SGK3: variants seen among roughly 807,000 people sequenced by gnomAD.
SGK3 encodes serine/threonine-protein kinase Sgk3.
A neutral mutation model predicts 68.5 loss-of-function variants in SGK3; 47 were observed. The observed-to-expected ratio is 0.69, with a 90% CI of 0.54 to 0.87. The LOEUF (loss-of-function observed/expected upper bound fraction) is 0.87, where lower values mean the gene tolerates loss of function less well. SGK3 is among the 40% of genes least tolerant of loss of function. SGK3 has a pLI of 0.00. For missense variants in SGK3, 479 were observed against 575.5 expected (o/e 0.83, Z 1.72); for synonymous variants, 181 against 189.1 (o/e 0.96, Z 0.35).
At chr8:66,829,062 G>T (rs1323764617) in intron 7 of SGK3, among the ~76,000 whole-genome samples, 1 of 151,462 alleles carries the variant, frequency 6.6e-6, no homozygotes, top group Non-Finnish European at 1.5e-5. Context: ...CTGAAAAAAA[G>T]CACCCTTGCA....
At chr8:66,729,926 A>C (rs1805098497) in intron 1 of SGK3, among the ~76,000 whole-genome samples, 1 of 151,914 alleles carries the variant, frequency 6.6e-6, no homozygotes, top group Non-Finnish European at 1.5e-5. Flanking sequence ...TTATATTTTT[A>C]GTGGAGATGG....
intron 1 of SGK3, among the ~76,000 whole-genome samples, chr8:66,772,909 A>G (rs1433373072): frequency 6.6e-6 from 1 of 152,156 alleles, no homozygotes; most frequent in Non-Finnish European, 1.5e-5. Flanking sequence ...GTGAGCCACC[A>G]TAACTGGCCT....
chr8:66,855,752 A>G (rs1810484426), intron 16 of SGK3, among the ~76,000 whole-genome samples: 1 of 152,248 alleles, frequency 6.6e-6, no homozygotes. Flanking sequence ...AGAAGTTCAT[A>G]CTGACGGTTG....
intron 10 of SGK3, among the ~76,000 whole-genome samples, chr8:66,836,685 T>C (rs1809547032): frequency 1.3e-5 from 2 of 151,888 alleles, no homozygotes; most frequent in South Asian, 4.1e-4. Flanking sequence ...AAATGTTTCA[T>C]GTTATATCCA....
intron 1 of SGK3, among the ~76,000 whole-genome samples, chr8:66,751,021 C>T (rs1276130382): frequency 6.6e-6 from 1 of 150,592 alleles, no homozygotes; most frequent in Non-Finnish European, 1.5e-5. Flanking sequence ...AAAAAAAGGC[C>T]AGGCGCGGTG....
chr8:66,801,634 T>C (rs1045208710), intron 3 of SGK3, among the ~76,000 whole-genome samples: 1 of 151,972 alleles, frequency 6.6e-6, no homozygotes, highest in East Asian at 1.9e-4. Flanking sequence ...TCTCTGTCTC[T>C]GTGTCTTTCT....
chr8:66,831,355 T>A (rs760718060), intron 8 of SGK3, 44 bp downstream of exon 8: 32 of 1,604,444 alleles, frequency 2.0e-5, no homozygotes, highest in Non-Finnish European at 2.0e-5. Flanking sequence ...TGGTTTTGGT[T>A]TTTTTTTTGG....
chr8:66,840,877 G>A (rs1809772163), intron 12 of SGK3, 147 bp from the exon 13 acceptor site: 1 of 409,098 alleles, frequency 2.4e-6, no homozygotes, highest in Non-Finnish European at 4.2e-6. Context: ...AGGAGGCAGA[G>A]GTTGCAGTGA....
intron 3 of SGK3, among the ~76,000 whole-genome samples, chr8:66,801,337 G>A (rs1807937312): frequency 6.6e-6 from 1 of 152,146 alleles, no homozygotes; most frequent in Non-Finnish European, 1.5e-5. Context: ...CTTAATCAAA[G>A]GATATTGAGA....
chr8:66,742,054 A>T (rs1805496682), intron 1 of SGK3, among the ~76,000 whole-genome samples: 1 of 152,230 alleles, frequency 6.6e-6, no homozygotes, highest in Non-Finnish European at 1.5e-5. Context: ...AGTCAAAGGA[A>T]CATCAAGTAC....
At chr8:66,792,795 A>C (rs537469489) in intron 1 of SGK3, among the ~76,000 whole-genome samples, 1 of 152,320 alleles carries the variant, frequency 6.6e-6, no homozygotes, top group African/African-American at 2.4e-5. Flanking sequence ...GGAAGGCTCA[A>C]GCAGGAACAT....
intron 1 of SGK3, among the ~76,000 whole-genome samples, chr8:66,792,669 A>G (rs921171182): frequency 6.6e-6 from 1 of 152,186 alleles, no homozygotes; most frequent in Non-Finnish European, 1.5e-5. Context: ...GCTTGAGCCC[A>G]GGAGTTCAAG....
intron 1 of SGK3, among the ~76,000 whole-genome samples, chr8:66,725,698 G>A (rs1804967136): frequency 6.6e-6 from 1 of 151,848 alleles, no homozygotes; most frequent in Non-Finnish European, 1.5e-5. Flanking sequence ...ATTTGCAGGT[G>A]CCTTGCCATG....
At chr8:66,753,454 G>A (rs1805883105) in intron 1 of SGK3, among the ~76,000 whole-genome samples, 1 of 152,186 alleles carries the variant, frequency 6.6e-6, no homozygotes, top group African/African-American at 2.4e-5. Context: ...AGAGGACTAG[G>A]GGAAGATACT....
chr8:66,825,520 G>A (rs1218268408), intron 6 of SGK3, among the ~76,000 whole-genome samples: 6 of 151,772 alleles, frequency 4.0e-5, no homozygotes, highest in Admixed American at 3.3e-4. Context: ...TAGTAGAGAC[G>A]GGGTTTCACT....
At chr8:66,753,858 C>A (rs549187776) in intron 1 of SGK3, among the ~76,000 whole-genome samples, 1 of 152,252 alleles carries the variant, frequency 6.6e-6, no homozygotes, top group East Asian at 1.9e-4. Context: ...TGATCTCCCC[C>A]TCTCCATACC....
chr8:66,770,345 T>C (rs1484204079), intron 1 of SGK3, among the ~76,000 whole-genome samples: 1 of 152,260 alleles, frequency 6.6e-6, no homozygotes, highest in Non-Finnish European at 1.5e-5. Context: ...CAATATTGAA[T>C]GTCAGACATT....
chr8:66,792,329 CAAAAAAAA>C (rs1215954300), intron 1 of SGK3, among the ~76,000 whole-genome samples: 2 of 53,554 alleles, frequency 3.7e-5, no homozygotes, highest in African/African-American at 1.3e-4. Flanking sequence ...AACTCCATCT[CAAAAAAAA>C]AAAAAAAAAA....
chr8:66,787,449 C>T (rs1307428852), intron 1 of SGK3, among the ~76,000 whole-genome samples: 1 of 152,216 alleles, frequency 6.6e-6, no homozygotes, highest in Non-Finnish European at 1.5e-5. Flanking sequence ...AGATCCTTCC[C>T]TAAGGGCTGT....
Sources: allele counts gnomAD v4.1 joint callset (sites outside exome capture counted in the v4.1 genomes callset), GRCh38; gene constraint gnomAD v4.1.1; transcripts MANE v1.5; gene names NCBI Gene and HGNC (gene_info 2026-07-23, HGNC 2026-07-21).